IFT74: variants seen among roughly 807,000 people sequenced by gnomAD.
IFT74 encodes intraflagellar transport protein 74 homolog.
In IFT74, 92 loss-of-function variants were observed where a neutral mutation model predicts 96.7. The ratio of observed to expected loss-of-function variants is 0.95; its 90% CI spans 0.80 to 1.13. The LOEUF (loss-of-function observed/expected upper bound fraction) is 1.13. IFT74 is among the 50% of genes most tolerant of loss of function. The pLI, the probability that IFT74 is intolerant of heterozygous loss-of-function variation, is 0.00. For synonymous variants in IFT74, 223 were observed against 213.2 expected, an observed-to-expected ratio of 1.05 and a Z score of -0.40; for missense variants, 811 against 698.2, an observed-to-expected ratio of 1.16 and a Z score of -1.82.
rs542879874 is a variant in IFT74 at position 26,980,777 on chromosome 9, A to T, written c.305+158A>T. ...TCTAAAAATTATTTTGTATTCTAACAATTTCTGGTTAATTTGGCTATGCTG... is the reference window on the plus strand; with the variant it reads ...TCTAAAAATTATTTTGTATTCTAACTATTTCTGGTTAATTTGGCTATGCTG... On this transcript the variant is annotated intron_variant, in intron 4 of 19. Coordinates refer to ENST00000380062, the MANE Select transcript of IFT74 (RefSeq NM_025103.4). Among the ~76,000 whole-genome samples, 7 of 152,274 alleles carry T rather than the reference A, an allele frequency of 4.6e-5. No individual in the cohort carries two copies. The South Asian group carries it at 1.5e-3, about 32-fold the overall frequency.
At chr9:26,985,725 A>G (rs1827600898) in intron 6 of IFT74, among the ~76,000 whole-genome samples, 1 of 152,196 alleles carries the variant, frequency 6.6e-6, no homozygotes, top group Admixed American at 6.5e-5. Context: ...AAAATATGTT[A>G]AAATAATAAT....
chr9:26,991,899 C>T (rs1050375923), intron 8 of IFT74, among the ~76,000 whole-genome samples: 6 of 151,926 alleles, frequency 3.9e-5, no homozygotes, highest in Admixed American at 1.3e-4. Flanking sequence ...CATGGTGGCA[C>T]GGGCTTGTAG....
chr9:26,990,375 A>G (rs1179961732), intron 8 of IFT74, among the ~76,000 whole-genome samples, 180 bp downstream of exon 8: 1 of 152,204 alleles, frequency 6.6e-6, no homozygotes, highest in Non-Finnish European at 1.5e-5. Context: ...ACCATTAAAT[A>G]CCTAAATTCT....
At chr9:27,037,670 T>A (rs957491161) in intron 13 of IFT74, among the ~76,000 whole-genome samples, 2 of 152,228 alleles carry the variant, frequency 1.3e-5, no homozygotes, top group African/African-American at 4.8e-5. Context: ...TGGTGCTATG[T>A]GGCAACACAG....
At chr9:26,962,314 G>A (rs1046122599) in intron 2 of IFT74, among the ~76,000 whole-genome samples, 1 of 152,302 alleles carries the variant, frequency 6.6e-6, no homozygotes, top group South Asian at 2.1e-4. Flanking sequence ...TATTTCATAA[G>A]CATATTATTA....
At chr9:26,962,143 A>G in intron 2 of IFT74, 56 bp downstream of exon 2, 5 of 1,574,926 alleles carry the variant, frequency 3.2e-6, no homozygotes, top group Non-Finnish European at 4.4e-6. Flanking sequence ...GGACCACTTG[A>G]GTCCAGGAGA....
At chr9:26,988,578 T>G in intron 6 of IFT74, 91 bp from the exon 7 acceptor site, 1 of 1,190,402 alleles carries the variant, frequency 8.4e-7, no homozygotes, top group Non-Finnish European at 1.2e-6. Flanking sequence ...TACTCATTAT[T>G]TGTAAGACTG....
Position 26,989,565 on chromosome 9 carries a change from T to G in IFT74, c.526-569T>G, listed in dbSNP as rs553957945. ...ATTGATAAAATGACTCTTCTAAATTTGGGGTTCTCAAACCATGATAATTTA... is the reference window on the plus strand; with the variant it reads ...ATTGATAAAATGACTCTTCTAAATTGGGGGTTCTCAAACCATGATAATTTA... On this transcript the variant is annotated intron_variant, in intron 7 of 19. Transcript: ENST00000380062. Among the ~76,000 whole-genome samples, 4 of 152,268 alleles carry G rather than the reference T, an allele frequency of 2.6e-5. No individual in the cohort carries two copies. The East Asian group carries it at 7.7e-4, about 29-fold the overall frequency.
At chr9:26,982,058 G>A (rs920397143) in intron 4 of IFT74, among the ~76,000 whole-genome samples, 11 of 151,792 alleles carry the variant, frequency 7.2e-5, no homozygotes, top group African/African-American at 2.4e-4. Flanking sequence ...CTGAGCCACC[G>A]CACCTGGCCA....
intron 14 of IFT74, 84 bp downstream of exon 14, chr9:27,044,879 C>T (rs532673852): frequency 2.7e-4 from 198 of 726,006 alleles, no homozygotes; most frequent in Non-Finnish European, 4.2e-4. Context: ...TCATTTTGGG[C>T]AGATATAATG....
chr9:26,986,169 A>G (rs576056285), intron 6 of IFT74, among the ~76,000 whole-genome samples: 2 of 152,338 alleles, frequency 1.3e-5, no homozygotes, highest in South Asian at 2.1e-4. Flanking sequence ...ACATTCTATC[A>G]TAATGGTTAG....
chr9:26,975,227 AAC>A (rs1827060576), intron 2 of IFT74, among the ~76,000 whole-genome samples: 1 of 152,086 alleles, frequency 6.6e-6, no homozygotes, highest in Non-Finnish European at 1.5e-5. Context: ...GTTGTTTAGG[AAC>A]AGGGACTCTT....
intron 9 of IFT74, among the ~76,000 whole-genome samples, chr9:27,010,928 A>C (rs1401552999): frequency 1.3e-5 from 2 of 152,198 alleles, no homozygotes; most frequent in African/African-American, 4.8e-5. Context: ...TAAGCAAAGA[A>C]TTAGGCCCCA....
intron 16 of IFT74, among the ~76,000 whole-genome samples, chr9:27,049,933 T>A (rs180739461): frequency 1.4e-4 from 21 of 152,342 alleles, no homozygotes; most frequent in African/African-American, 5.1e-4. Context: ...AGATTAATTT[T>A]AATAATATAT....
chr9:26,994,535 TCA>T (rs1828042396), intron 8 of IFT74: 1 of 111,790 alleles, frequency 8.9e-6, no homozygotes, highest in Non-Finnish European at 1.8e-5. Context: ...AGACTTTGTC[TCA>T]AAAAAAAAAA....
chr9:26,969,182 G>A (rs77175163), intron 2 of IFT74, among the ~76,000 whole-genome samples: 11,716 of 151,946 alleles, frequency 0.077, 674 homozygotes, highest in African/African-American at 0.16. Flanking sequence ...GGTCATTCAG[G>A]AACATATTTC....
At chr9:26,990,098 T>A (rs1272477685) in intron 7 of IFT74, 36 bp from the exon 8 acceptor site, 1 of 1,371,936 alleles carries the variant, frequency 7.3e-7, no homozygotes, top group Non-Finnish European at 9.7e-7. Context: ...GGTTTAATAT[T>A]TATTTCTTAC....
chr9:27,034,068 G>A (rs754934570), intron 13 of IFT74, among the ~76,000 whole-genome samples: 5 of 152,102 alleles, frequency 3.3e-5, no homozygotes, highest in African/African-American at 1.2e-4. Context: ...TTGACAAATA[G>A]AGTTAACAAA....
chr9:27,035,559 A>G (rs1001443186), intron 13 of IFT74, among the ~76,000 whole-genome samples: 1 of 152,212 alleles, frequency 6.6e-6, no homozygotes, highest in Non-Finnish European at 1.5e-5. Context: ...GGGCTCAGCA[A>G]TTTGTGTTTC....
Sources: gnomAD v4.1 joint callset for allele counts (sites outside exome capture counted in the v4.1 genomes callset) on GRCh38, gnomAD v4.1.1 for gene constraint, MANE v1.5 for transcripts, NCBI Gene and HGNC (gene_info 2026-07-23, HGNC 2026-07-21) for gene names.